Variants in RANBP2 observed in about 807,000 individuals in gnomAD.
RANBP2 encodes RAN binding protein 2, also known as E3 SUMO-protein ligase RanBP2.
RANBP2 carries 57 observed loss-of-function variants against 303.6 expected under a neutral mutation model. The ratio of observed to expected loss-of-function variants is 0.19; its 90% CI spans 0.15 to 0.23. The LOEUF (loss-of-function observed/expected upper bound fraction) is 0.23. RANBP2 is among the 10% of genes least tolerant of loss of function. RANBP2 has a pLI of 1.00. For synonymous variants in RANBP2, 1,167 were observed against 1,301.5 expected, an observed-to-expected ratio of 0.90 and a Z score of 2.23; for missense variants, 3,138 against 3,780.8, an observed-to-expected ratio of 0.83 and a Z score of 4.46.
the RANBP2 span, among the ~76,000 whole-genome samples, chr2:109,240,237 C>T: frequency 9.8e-5 from 15 of 152,296 alleles, no homozygotes; most frequent in African/African-American, 3.1e-4. Flanking sequence ...TGGTGGCTCA[C>T]GCCTATAATT....
Position 108,772,561 on chromosome 2 carries a change from C to A in RANBP2, c.8093C>A (p.Pro2698His). Reference sequence around the variant, plus strand: ...TTGGATGGCTCAGAAAAATGTAGACCCTTGGAAGAAAATACAGCAGGTATG... The same window carrying A: ...TTGGATGGCTCAGAAAAATGTAGACACTTGGAAGAAAATACAGCAGGTATG... ...LYLDGSEKCR[P>H]LEENTADNEK... Residue 2698 changes from proline (P) to histidine (H), a missense_variant, in exon 22 of 29, where the codon CCC becomes CAC. This residue lies in a region of RANBP2 where 497 missense variants were observed against 465.8 expected (regional missense o/e 1.07). Coordinates refer to ENST00000283195, the MANE Select transcript of RANBP2 (RefSeq NM_006267.5). 1 of 1,613,350 alleles carries A rather than the reference C, an allele frequency of 6.2e-7. No individual in the cohort carries two copies. The highest frequency in any genetic ancestry group is 8.5e-7 in the Non-Finnish European group (1 of 1,179,648).
the RANBP2 span, among the ~76,000 whole-genome samples, chr2:109,344,933 G>A: frequency 6.6e-6 from 1 of 152,180 alleles, no homozygotes; most frequent in Non-Finnish European, 1.5e-5. Context: ...GGCACAGGTT[G>A]ATTTGAGAGC....
the RANBP2 span, among the ~76,000 whole-genome samples, chr2:109,603,525 C>T: frequency 6.6e-6 from 1 of 151,442 alleles, no homozygotes. Context: ...AGGCGTGCAC[C>T]ACCGCGCCCG....
the RANBP2 span, among the ~76,000 whole-genome samples, chr2:109,027,533 C>T: frequency 1.3e-5 from 2 of 152,096 alleles, no homozygotes; most frequent in Non-Finnish European, 2.9e-5. Context: ...CATGTCCATC[C>T]ACCCTCTGTT....
the RANBP2 span, among the ~76,000 whole-genome samples, chr2:109,416,124 T>C: frequency 6.6e-6 from 1 of 152,178 alleles, no homozygotes; most frequent in Non-Finnish European, 1.5e-5. Flanking sequence ...TTCCTTTTTG[T>C]TATAAATTAC....
At chr2:109,490,801 T>C in the RANBP2 span, 1 of 1,537,006 alleles carries the variant, frequency 6.5e-7, no homozygotes, top group South Asian at 1.2e-5. Flanking sequence ...GAGAGCGAGA[T>C]GCAGGGTGCC....
the RANBP2 span, chr2:108,896,936 G>A: frequency 6.2e-7 from 1 of 1,613,100 alleles, no homozygotes; most frequent in Non-Finnish European, 8.5e-7. Flanking sequence ...TGGGAGGCAG[G>A]TGGCACAACC....
chr2:109,765,672 A>C, the RANBP2 span, among the ~76,000 whole-genome samples: 2 of 150,462 alleles, frequency 1.3e-5, no homozygotes, highest in African/African-American at 4.9e-5. Context: ...TGTGAATAGA[A>C]ACATGGAGGG....
At chr2:109,630,770 GT>G in the RANBP2 span, among the ~76,000 whole-genome samples, 9 of 152,136 alleles carry the variant, frequency 5.9e-5, no homozygotes, top group Non-Finnish European at 1.3e-4. Context: ...AGTATAGAAA[GT>G]TTTCAAGATT....
the RANBP2 span, among the ~76,000 whole-genome samples, chr2:109,155,299 C>CTTTGT: frequency 1.3e-5 from 2 of 152,042 alleles, no homozygotes; most frequent in African/African-American, 2.4e-5. Context: ...GAAGTTGGAT[C>CTTTGT]TTTGTTTTGT....
the RANBP2 span, among the ~76,000 whole-genome samples, chr2:109,421,344 G>T: frequency 6.6e-6 from 1 of 152,234 alleles, no homozygotes; most frequent in Admixed American, 6.5e-5. Context: ...CTCAGTAGCT[G>T]CCACTTGTTC....
At chr2:108,786,249 T>TC (rs1168201788), downstream of RANBP2, among the ~76,000 whole-genome samples, 138 of 137,266 alleles carry the variant, frequency 1.0e-3, no homozygotes, top group African/African-American at 3.9e-3. Flanking sequence ...TGCTCAGCTT[T>TC]CCCTTTTTTT....
At chr2:108,875,932 GTT>G in the RANBP2 span, 1 of 165,470 alleles carries the variant, frequency 6.0e-6, no homozygotes, top group Non-Finnish European at 1.2e-5. Context: ...TATTTTGTTT[GTT>G]TCAGCATTCT....
the RANBP2 span, among the ~76,000 whole-genome samples, chr2:109,220,487 A>T: frequency 1.3e-5 from 2 of 152,262 alleles, no homozygotes; most frequent in East Asian, 1.9e-4. Flanking sequence ...GAGTGAAAAG[A>T]TAACCTAAAG....
the RANBP2 span, among the ~76,000 whole-genome samples, chr2:109,391,422 C>A: frequency 6.6e-6 from 1 of 152,176 alleles, no homozygotes; most frequent in Non-Finnish European, 1.5e-5. Context: ...GGGAGGGGTG[C>A]GGGTCACCCA....
chr2:109,320,879 C>T, the RANBP2 span, among the ~76,000 whole-genome samples: 44 of 152,300 alleles, frequency 2.9e-4, no homozygotes, highest in African/African-American at 9.4e-4. Flanking sequence ...CCCTGCCCTA[C>T]GATACTCATC....
chr2:109,125,795 A>T, the RANBP2 span, among the ~76,000 whole-genome samples: 4 of 152,268 alleles, frequency 2.6e-5, no homozygotes, highest in Non-Finnish European at 4.4e-5. Flanking sequence ...ACCGAGTAAC[A>T]TAAGACTGTA....
the RANBP2 span, among the ~76,000 whole-genome samples, chr2:109,484,266 C>T: frequency 1.3e-5 from 2 of 152,062 alleles, no homozygotes; most frequent in South Asian, 4.1e-4. Flanking sequence ...GGGGTTTCAC[C>T]ATGTTGGCCA....
At chr2:108,855,862 CT>C in the RANBP2 span, among the ~76,000 whole-genome samples, 1 of 152,126 alleles carries the variant, frequency 6.6e-6, no homozygotes, top group East Asian at 1.9e-4. Flanking sequence ...TTCTGTTGTA[CT>C]TTCAGTATTT....
Sources: gnomAD v4.1 joint callset for allele counts (sites outside exome capture counted in the v4.1 genomes callset) on GRCh38, gnomAD v4.1.1 for gene constraint, gnomAD v4.1.1 regional missense constraint, MANE v1.5 for transcripts, NCBI Gene and HGNC (gene_info 2026-07-23, HGNC 2026-07-21) for gene names.